ZMYND8: variants seen among roughly 807,000 people sequenced by gnomAD.
The protein encoded by ZMYND8 is MYND-type zinc finger-containing chromatin reader ZMYND8.
In ZMYND8, 37 loss-of-function variants were observed where a neutral mutation model predicts 140.8. The ratio of observed to expected loss-of-function variants is 0.26; its 90% CI spans 0.20 to 0.35. The LOEUF is 0.35. Among genes scored for constraint, ZMYND8 ranks in the 10% least tolerant of loss-of-function variants. ZMYND8 has a pLI of 1.00. For missense variants in ZMYND8, 1,068 were observed against 1,570.0 expected (o/e 0.68, Z 5.40); for synonymous variants, 592 against 597.1 (o/e 0.99, Z 0.12).
At chr20:47,338,261 G>A (rs900254246) in intron 2 of ZMYND8, among the ~76,000 whole-genome samples, 5 of 152,040 alleles carry the variant, frequency 3.3e-5, no homozygotes, top group African/African-American at 1.2e-4. Flanking sequence ...CTCTACTCCC[G>A]AGAGTGGCCT....
chr20:47,241,881 G>C (rs565311044), intron 14 of ZMYND8, among the ~76,000 whole-genome samples: 6 of 149,590 alleles, frequency 4.0e-5, no homozygotes, highest in Non-Finnish European at 8.9e-5. Flanking sequence ...GCAGTGGCGC[G>C]ATCTCGGCTC....
At chr20:47,258,014 A>G (rs2074882873) in intron 12 of ZMYND8, among the ~76,000 whole-genome samples, 1 of 152,166 alleles carries the variant, frequency 6.6e-6, no homozygotes, top group South Asian at 2.1e-4. Context: ...TAAGCCACCA[A>G]GCCTAGCCAG....
At chr20:47,290,394 A>G (rs1200177557) in intron 6 of ZMYND8, 120 bp from the exon 7 acceptor site, 9 of 753,092 alleles carry the variant, frequency 1.2e-5, no homozygotes, top group Non-Finnish European at 1.9e-5. Context: ...GTGTTCTTCT[A>G]TTCATTTCCC....
chr20:47,225,424 G>C (rs1485489453), intron 18 of ZMYND8, among the ~76,000 whole-genome samples: 1 of 150,820 alleles, frequency 6.6e-6, no homozygotes, highest in African/African-American at 2.4e-5. Flanking sequence ...AGCTAGGCGC[G>C]ATGGTGTAAT....
intron 10 of ZMYND8, 62 bp downstream of exon 10, chr20:47,282,040 T>C: frequency 7.4e-7 from 1 of 1,356,458 alleles, no homozygotes; most frequent in Non-Finnish European, 1.0e-6. Flanking sequence ...TCTTTTCTTA[T>C]CTCATAACAG....
At chr20:47,257,334 C>A (rs1219240322) in intron 12 of ZMYND8, among the ~76,000 whole-genome samples, 1 of 152,002 alleles carries the variant, frequency 6.6e-6, no homozygotes, top group Non-Finnish European at 1.5e-5. Flanking sequence ...CACAAATACA[C>A]ATACACTCAC....
At chr20:47,214,537 A>C (rs2035784795) in intron 21 of ZMYND8, among the ~76,000 whole-genome samples, 1 of 152,178 alleles carries the variant, frequency 6.6e-6, no homozygotes. Context: ...TCTGTCGCCC[A>C]GACTGGAATG....
intron 3 of ZMYND8, among the ~76,000 whole-genome samples, chr20:47,299,674 C>G (rs958691760): frequency 5.9e-5 from 9 of 152,092 alleles, no homozygotes; most frequent in Non-Finnish European, 1.2e-4. Context: ...ACCTCTGCCT[C>G]CCGGGTTCAA....
chr20:47,335,441 C>A (rs935764234), intron 2 of ZMYND8, among the ~76,000 whole-genome samples: 1 of 151,978 alleles, frequency 6.6e-6, no homozygotes, highest in African/African-American at 2.4e-5. Flanking sequence ...AGCCATGACA[C>A]CTGGTCTTTC....
rs1289152374 is a variant in ZMYND8, at chr20:47,276,467, G to T, written c.1327C>A (p.Arg443=). Residue 443 remains arginine (R), a synonymous_variant, in exon 11 of 23, where the codon CGG becomes AGG. Transcript: ENST00000471951. ...CGCGGCATATCCGACAAGGAAATCCGGCGGCCTGTGCCCCCACTCAGCACA... is the reference window on the plus strand; with the variant it reads ...CGCGGCATATCCGACAAGGAAATCCTGCGGCCTGTGCCCCCACTCAGCACA... ...KPVLSGGTGR[R]ISLSDMPRSP... is the part of the protein sequence containing the mutation. 2 of 1,614,070 alleles carry T rather than the reference G, an allele frequency of 1.2e-6. No homozygotes were observed. The highest frequency in any genetic ancestry group is 2.7e-5 in the African/African-American group (2 of 75,022).
Position 47,298,843 on chromosome 20 carries a change from A to C in ZMYND8, c.339T>G (p.Val113=). The change falls in exon 4 of 23, where the codon GTT becomes GTG. Residue 113 remains valine, a synonymous_variant. Coordinates refer to ENST00000471951, the MANE Select transcript of ZMYND8 (RefSeq NM_001281775.3). This position sits in a 1 kb window ranked among gnomAD's most constrained non-coding sequence, Gnocchi z 5.0. The part of the protein sequence containing the change: ...QDGRNDFYCW[V]CHREGQVLCC... The stretch of plus-strand genomic sequence containing the variant: ...AAAGGACTTGGCCTTCCCGGTGACA[A>C]ACCCAGCAGTAGAAATCATTCCGTC... 1 of 1,614,168 alleles carries C rather than the reference A, an allele frequency of 6.2e-7. No individual in the cohort carries two copies. The highest frequency in any genetic ancestry group is 8.5e-7 in the Non-Finnish European group (1 of 1,180,038).
intron 21 of ZMYND8, 84 bp downstream of exon 21, chr20:47,220,174 C>T: frequency 7.7e-7 from 1 of 1,299,534 alleles, no homozygotes; most frequent in Non-Finnish European, 1.1e-6. Flanking sequence ...GGAATAAACC[C>T]TTCAAATTCT....
chr20:47,220,177 C>T (rs967779622), intron 21 of ZMYND8, 81 bp downstream of exon 21: 1 of 1,308,914 alleles, frequency 7.6e-7, no homozygotes, highest in East Asian at 2.7e-5. Context: ...ATAAACCCTT[C>T]AAATTCTCCC....
At position 47,276,621 on chromosome 20, in the gene ZMYND8, G is replaced by A; in HGVS notation, c.1173C>T (p.Pro391=). The A allele has an allele frequency of 6.2e-7, 1 of 1,613,830 alleles. No individual in the cohort carries two copies. Among genetic ancestry groups the A allele is most frequent in the South Asian group, 1.1e-5 (1 of 91,058 alleles). The change falls in exon 11 of 23, where the codon CCC becomes CCT. Residue 391 remains proline, a synonymous_variant. Coordinates refer to ENST00000471951, the MANE Select transcript of ZMYND8 (RefSeq NM_001281775.3). The stretch of plus-strand genomic sequence containing the variant: ...CGAGCAGCATTTGATACTGGCTGTT[G>A]GGTGTGTAGGGTGTCCTAAATGGAG... ...NYSPFRTPYT[P]NSQYQMLLDP...
chr20:47,340,332 A>C (rs1368721634), intron 2 of ZMYND8, among the ~76,000 whole-genome samples: 1 of 152,128 alleles, frequency 6.6e-6, no homozygotes, highest in Non-Finnish European at 1.5e-5. Context: ...TTAAAGAGGG[A>C]ACTTGAAACC....
intron 16 of ZMYND8, 120 bp from the exon 17 acceptor site, chr20:47,229,926 G>T: frequency 3.8e-6 from 3 of 798,244 alleles, no homozygotes; most frequent in Non-Finnish European, 5.8e-6. Flanking sequence ...ATTTTGTCCC[G>T]CATGAGACAC....
chr20:47,306,823 A>ATCT (rs941582074), intron 3 of ZMYND8, among the ~76,000 whole-genome samples: 7 of 152,192 alleles, frequency 4.6e-5, no homozygotes, highest in African/African-American at 1.7e-4. Flanking sequence ...ACAGTGGAGA[A>ATCT]TCTTCACATA....
At chr20:47,307,421 G>A (rs184173751) in intron 3 of ZMYND8, among the ~76,000 whole-genome samples, 9 of 152,210 alleles carry the variant, frequency 5.9e-5, no homozygotes, top group Non-Finnish European at 1.0e-4. Flanking sequence ...CTACACCACT[G>A]CACTCCAGCC....
At chr20:47,305,128 C>T (rs1420512983) in intron 3 of ZMYND8, among the ~76,000 whole-genome samples, 1 of 152,010 alleles carries the variant, frequency 6.6e-6, no homozygotes, top group East Asian at 1.9e-4. Flanking sequence ...GCTGTAGACC[C>T]AGCTACTTGG....
Sources: allele counts gnomAD v4.1 joint callset (sites outside exome capture counted in the v4.1 genomes callset), GRCh38; gene constraint gnomAD v4.1.1; non-coding constraint Gnocchi (gnomAD v3.1); transcripts MANE v1.5; gene names NCBI Gene and HGNC (gene_info 2026-07-23, HGNC 2026-07-21).